KIF5B: variants seen among roughly 807,000 people sequenced by gnomAD.
KIF5B encodes the protein kinesin family member 5B.
Under a neutral mutation model 132.8 loss-of-function variants are expected in KIF5B, and 49 were observed. The observed-to-expected ratio is 0.37, with a 90% CI of 0.29 to 0.47. The LOEUF (loss-of-function observed/expected upper bound fraction) is 0.47, where lower values mean the gene tolerates loss of function less well. KIF5B is among the 20% of genes least tolerant of loss of function. The pLI, the probability that KIF5B is intolerant of heterozygous loss-of-function variation, is 1.00. For missense variants in KIF5B, 780 were observed against 1,144.0 expected, an observed-to-expected ratio of 0.68 and a Z score of 4.59; for synonymous variants, 355 against 369.4, an observed-to-expected ratio of 0.96 and a Z score of 0.45.
At chr10:32,043,994 T>C (rs1443738610) in intron 2 of KIF5B, among the ~76,000 whole-genome samples, 2 of 152,152 alleles carry the variant, frequency 1.3e-5, no homozygotes, top group Non-Finnish European at 2.9e-5. Context: ...AAGTACAACC[T>C]ACCATGTATT....
At chr10:32,029,512 A>C (rs1841374039) in intron 14 of KIF5B, among the ~76,000 whole-genome samples, 1 of 152,146 alleles carries the variant, frequency 6.6e-6, no homozygotes, top group Admixed American at 6.5e-5. Context: ...TAAGTTTCTG[A>C]GTATCAGTAG....
intron 14 of KIF5B, among the ~76,000 whole-genome samples, chr10:32,029,484 G>A (rs963882870): frequency 2.6e-5 from 4 of 152,064 alleles, no homozygotes; most frequent in African/African-American, 9.7e-5. Context: ...TATTTCTTAT[G>A]GTAGTTCGTC....
intron 8 of KIF5B, 87 bp downstream of exon 8, chr10:32,037,167 T>C (rs1446092274): frequency 1.6e-6 from 2 of 1,265,512 alleles, no homozygotes; most frequent in East Asian, 4.7e-5. Context: ...GTAAGTAAGA[T>C]GCAACAATGA....
chr10:32,040,287 G>A (rs1303970654), intron 3 of KIF5B, 97 bp downstream of exon 3: 4 of 771,764 alleles, frequency 5.2e-6, no homozygotes, highest in African/African-American at 5.2e-5. Context: ...GCAATAAAGA[G>A]TAAATTAAAA....
chr10:32,041,518 T>C (rs934154729), intron 2 of KIF5B, among the ~76,000 whole-genome samples: 3 of 152,190 alleles, frequency 2.0e-5, no homozygotes, highest in Non-Finnish European at 4.4e-5. Context: ...ACAAGACTAA[T>C]TGATGGTTAA....
At chr10:32,024,477 T>C (rs1302324859) in intron 15 of KIF5B, among the ~76,000 whole-genome samples, 2 of 147,140 alleles carry the variant, frequency 1.4e-5, no homozygotes, top group African/African-American at 5.0e-5. Context: ...AACTCAACAA[T>C]AGGAGGCCAG....
At chr10:32,051,524 T>C (rs559101194) in intron 1 of KIF5B, among the ~76,000 whole-genome samples, 22 of 152,356 alleles carry the variant, frequency 1.4e-4, no homozygotes, top group African/African-American at 5.3e-4. Flanking sequence ...CAAGCAAATA[T>C]ATAAACTACC....
intron 13 of KIF5B, among the ~76,000 whole-genome samples, chr10:32,032,047 G>A (rs1841409810): frequency 6.6e-6 from 1 of 151,382 alleles, no homozygotes; most frequent in Non-Finnish European, 1.5e-5. Flanking sequence ...CTGAACTGCA[G>A]GGATGCCAAG....
rs1470520647 is a variant in KIF5B at position 32,035,554 on chromosome 10, A to G, written c.930T>C (p.Ser310=). The G allele has an allele frequency of 1.3e-5, 21 of 1,612,390 alleles. No homozygotes were observed. Among genetic ancestry groups the G allele is most frequent in the Non-Finnish European group, 1.6e-5 (19 of 1,179,298 alleles). ...CAAATAAGAGTGTAGATTTTGTTTC[A>G]GACTCATTGTATGATGATGGAGAGC... The part of the protein sequence containing the change: ...ICCSPSSYNE[S]ETKSTLLFGQ... The change falls in exon 10 of 26, where the codon TCT becomes TCC. Residue 310 remains serine, a synonymous_variant. Transcript: ENST00000302418.
chr10:32,024,930 AACCAGGCGTG>A (rs747289799), intron 15 of KIF5B, among the ~76,000 whole-genome samples: 1 of 152,040 alleles, frequency 6.6e-6, no homozygotes, highest in Non-Finnish European at 1.5e-5. Flanking sequence ...TATAAAAATT[AACCAGGCGTG>A]GTGGTACGCG....
chr10:32,055,518 G>GCACACACACACACA, intron 1 of KIF5B, among the ~76,000 whole-genome samples: 1 of 150,130 alleles, frequency 6.7e-6, no homozygotes, highest in East Asian at 2.0e-4. Context: ...ATCCGTAATT[G>GCACACACACACACA]CACACACACA....
intron 1 of KIF5B, among the ~76,000 whole-genome samples, chr10:32,052,580 T>C (rs1408695091): frequency 6.6e-6 from 1 of 152,194 alleles, no homozygotes; most frequent in Non-Finnish European, 1.5e-5. Context: ...TGTAATTTTT[T>C]TATTGATTTT....
At chr10:32,055,825 G>C in intron 1 of KIF5B, 23 bp downstream of exon 1, 1 of 1,609,600 alleles carries the variant, frequency 6.2e-7, no homozygotes. Flanking sequence ...GCGGGAGGAG[G>C]GATGCCGGCG....
intron 1 of KIF5B, among the ~76,000 whole-genome samples, chr10:32,055,416 A>G (rs1274222562): frequency 6.6e-6 from 1 of 152,188 alleles, no homozygotes; most frequent in African/African-American, 2.4e-5. Flanking sequence ...ACTACGGCTT[A>G]TCTCAGAGCT....
At chr10:32,048,317 G>A in intron 2 of KIF5B, 147 bp downstream of exon 2, 2 of 570,410 alleles carry the variant, frequency 3.5e-6, no homozygotes, top group Non-Finnish European at 6.2e-6. Context: ...AATTGTGTTT[G>A]ACCTTTTTAT....
chr10:32,019,724 T>A (rs1424593877), intron 20 of KIF5B, 134 bp downstream of exon 20: 1 of 561,294 alleles, frequency 1.8e-6, no homozygotes, highest in East Asian at 2.9e-5. Context: ...TCAAACCAAC[T>A]CAGTGGATTT....
chr10:32,029,044 C>T (rs1413472807), intron 14 of KIF5B, among the ~76,000 whole-genome samples: 2 of 152,146 alleles, frequency 1.3e-5, no homozygotes, highest in Admixed American at 6.5e-5. Flanking sequence ...TACTATGATA[C>T]AGGCAATTAT....
chr10:32,047,390 C>A (rs2132614669), intron 2 of KIF5B, among the ~76,000 whole-genome samples: 1 of 152,252 alleles, frequency 6.6e-6, no homozygotes, highest in South Asian at 2.1e-4. Context: ...TCTTGTCCCC[C>A]ACTTCCCTCT....
chr10:32,027,757 C>T (rs934003439), intron 15 of KIF5B, among the ~76,000 whole-genome samples: 3 of 151,718 alleles, frequency 2.0e-5, no homozygotes, highest in Admixed American at 6.6e-5. Context: ...ACCATGCCTA[C>T]ATGCTAGGCT....
Sources: allele counts gnomAD v4.1 joint callset (sites outside exome capture counted in the v4.1 genomes callset), GRCh38; gene constraint gnomAD v4.1.1; transcripts MANE v1.5; gene names NCBI Gene and HGNC (gene_info 2026-07-23, HGNC 2026-07-21).